SPPL2B: variants seen among roughly 807,000 people sequenced by gnomAD.
SPPL2B encodes signal peptide peptidase-like 2B.
A neutral mutation model predicts 59.7 loss-of-function variants in SPPL2B; 39 were observed. The observed-to-expected ratio is 0.65, with a 90% CI of 0.51 to 0.85. The LOEUF (loss-of-function observed/expected upper bound fraction) is 0.85. Among genes scored for constraint, SPPL2B ranks in the 40% least tolerant of loss-of-function variants. SPPL2B has a pLI of 0.00. For synonymous variants in SPPL2B, 419 were observed against 370.8 expected (o/e 1.13, Z -1.49); for missense variants, 865 against 849.0 (o/e 1.02, Z -0.23).
chr19:2,348,618 CTCCA>C (rs1188974791), intron 13 of SPPL2B, among the ~76,000 whole-genome samples: 3 of 149,816 alleles, frequency 2.0e-5, no homozygotes, highest in Non-Finnish European at 3.0e-5. Flanking sequence ...CATTCTCTCT[CTCCA>C]CACACACTCA....
At chr19:2,347,775 T>A (rs553636434) in intron 13 of SPPL2B, among the ~76,000 whole-genome samples, 1 of 51,802 alleles carries the variant, frequency 1.9e-5, no homozygotes, top group East Asian at 4.2e-4. Context: ...ACACACACAC[T>A]CTCATTCGCC....
intron 10 of SPPL2B, 76 bp downstream of exon 10, chr19:2,344,115 C>A: frequency 3.5e-6 from 3 of 845,312 alleles, no homozygotes; most frequent in Non-Finnish European, 3.5e-6. Context: ...CCCATCACCC[C>A]CCCCATCACC....
intron 2 of SPPL2B, among the ~76,000 whole-genome samples, chr19:2,335,951 G>A (rs933867698): frequency 2.6e-5 from 4 of 152,026 alleles, no homozygotes; most frequent in African/African-American, 9.7e-5. Flanking sequence ...ATGTGTGCAT[G>A]TGCCTGAGTG....
intron 13 of SPPL2B, among the ~76,000 whole-genome samples, chr19:2,349,960 TTCTC>T (rs1478117144): frequency 1.5e-5 from 2 of 137,130 alleles, no homozygotes; most frequent in South Asian, 2.5e-4. Context: ...CTTGATTCTG[TTCTC>T]TCTCTACACA....
chr19:2,329,788 A>G (rs931257639), intron 1 of SPPL2B, among the ~76,000 whole-genome samples: 7 of 152,142 alleles, frequency 4.6e-5, no homozygotes, highest in African/African-American at 1.7e-4. Context: ...TCGCATCCAG[A>G]TGAGTGCGCC....
chr19:2,342,835 C>T (rs574813075), intron 8 of SPPL2B: 6 of 238,382 alleles, frequency 2.5e-5, no homozygotes, highest in South Asian at 5.9e-5. Flanking sequence ...CCCCACCATC[C>T]GGGGACAGCG....
At position 2,354,108 on chromosome 19, in the gene SPPL2B, TG is replaced by T. The variant is rs1970068341; in HGVS notation, c.*902del. On this transcript the variant is annotated 3_prime_UTR_variant, in exon 15 of 15. Coordinates refer to ENST00000613503, the MANE Select transcript of SPPL2B (RefSeq NM_152988.3). Reference sequence around the variant, plus strand: ...CCGGCACCCAACCTCGCTTCCCGTGTGGGCCCCGTGTTGCTTTTCTGCTGAG... The same window carrying T: ...CCGGCACCCAACCTCGCTTCCCGTGTGGCCCCGTGTTGCTTTTCTGCTGAG... 6.6e-6 allele frequency: 1 copy of T among 152,314 alleles called. No homozygotes were observed. The highest frequency in any genetic ancestry group is 1.5e-5 in the Non-Finnish European group (1 of 68,116). The allele number at this position is 152,314 out of a possible 1,614,324, so 9.4% of individuals were successfully genotyped here.
At position 2,337,529 on chromosome 19, in the gene SPPL2B, G is replaced by T; in HGVS notation, c.273G>T (p.Pro91=). The T allele has an allele frequency of 1.2e-6, 2 of 1,613,064 alleles. No individual in the cohort carries two copies. Among genetic ancestry groups the T allele is most frequent in the Non-Finnish European group, 1.7e-6 (2 of 1,179,666 alleles). The change falls in exon 3 of 15, where the codon CCG becomes CCT. Residue 91 remains proline (P), a synonymous_variant. Transcript: ENST00000613503. ...LPARGFSNQI[P]LVARGNCTFY... is the part of the protein sequence containing the mutation. ...CCCGTGGCTTCAGCAACCAGATCCC[G>T]CTGGTGGCGCGGGGGAACTGCACCT...
chr19:2,341,219 A>G (rs1969026982), intron 8 of SPPL2B: 2 of 688,124 alleles, frequency 2.9e-6, no homozygotes, highest in African/African-American at 3.5e-5. Context: ...TGTCATGGGA[A>G]CCCTGACTGG....
chr19:2,337,228 G>A (rs1968702108), intron 2 of SPPL2B: 10 of 475,338 alleles, frequency 2.1e-5, no homozygotes, highest in South Asian at 1.4e-4. Context: ...TGAGGACTCC[G>A]GCCCCGCTCA....
intron 5 of SPPL2B, among the ~76,000 whole-genome samples, 194 bp downstream of exon 5, chr19:2,339,402 C>T (rs1968875377): frequency 6.6e-6 from 1 of 152,196 alleles, no homozygotes; most frequent in South Asian, 2.1e-4. Context: ...GGGCTCCGGG[C>T]ACCTGGTGGG....
chr19:2,354,985 C>T lies in SPPL2B; in HGVS notation c.*1776C>T, dbSNP rs1970101339. Among the ~76,000 whole-genome samples, 1 of 152,196 alleles carries T rather than the reference C, an allele frequency of 6.6e-6. No individual in the cohort carries two copies. Among genetic ancestry groups the T allele is most frequent in the Non-Finnish European group, 1.5e-5 (1 of 68,042 alleles). On this transcript the variant is annotated 3_prime_UTR_variant, in exon 15 of 15. Coordinates refer to ENST00000613503, the MANE Select transcript of SPPL2B (RefSeq NM_152988.3). ...GCGTCACTCCCATGGGCTCTGTGGG[C>T]CATGTGGTCCCTGTCACGCTTCTCA...
chr19:2,343,301 A>G lies in SPPL2B; in HGVS notation c.1038+9A>G. ...GTCTGCCCACCTTCAAGGTGAGTGC[A>G]GGGAGGGCACGGCTGCGGGGCAGCA... On this transcript the variant is annotated intron_variant, in intron 9 of 14. Coordinates refer to ENST00000613503, the MANE Select transcript of SPPL2B (RefSeq NM_152988.3). The G allele has an allele frequency of 6.4e-7, 1 of 1,551,050 alleles. No individual in the cohort carries two copies. Among genetic ancestry groups the G allele is most frequent in the Non-Finnish European group, 8.7e-7 (1 of 1,146,578 alleles).
chr19:2,341,500 T>C, intron 8 of SPPL2B: 1 of 445,490 alleles, frequency 2.2e-6, no homozygotes, highest in South Asian at 1.6e-5. Context: ...TGGCCTGGAC[T>C]TGTGGCTGCC....
In SPPL2B at chr19:2,353,304, C is replaced by T. The variant is rs534305203; in HGVS notation, c.*95C>T. 6 of 1,406,822 alleles carry T rather than the reference C, an allele frequency of 4.3e-6. No homozygotes were observed. In the South Asian group the frequency reaches 4.3e-5, roughly 10 times the overall value. The allele number at this position is 1,406,822 out of a possible 1,614,324, so 87.1% of individuals were successfully genotyped here. A position where few individuals can be genotyped will look rare whatever the true frequency, so the allele number is the denominator to read the frequency against. ...GACAGACAGACAGACGCCTGTCCCC[C>T]GGGACCGAGGCCTGTGCCGTCCCCA... On this transcript the variant is annotated 3_prime_UTR_variant, in exon 15 of 15. Coordinates refer to ENST00000613503, the MANE Select transcript of SPPL2B (RefSeq NM_152988.3).
intron 1 of SPPL2B, among the ~76,000 whole-genome samples, chr19:2,331,649 C>G (rs1016365980): frequency 6.6e-6 from 1 of 152,038 alleles, no homozygotes; most frequent in Non-Finnish European, 1.5e-5. Flanking sequence ...TTTAAATGAC[C>G]CTTTTAGAGA....
chr19:2,351,400 C>A, intron 13 of SPPL2B, 34 bp from the exon 14 acceptor site: 1 of 1,547,760 alleles, frequency 6.5e-7, no homozygotes, highest in Non-Finnish European at 8.8e-7. Flanking sequence ...CCCTGGCCTG[C>A]CTGGCTGAGG....
chr19:2,341,515 G>A (rs368597446), intron 8 of SPPL2B: 34 of 445,690 alleles, frequency 7.6e-5, no homozygotes, highest in Non-Finnish European at 1.1e-4. Context: ...GCTGCCTCCC[G>A]CTGGCCGGGC....
At position 2,332,519 on chromosome 19, in the gene SPPL2B, C is replaced by T. The variant is rs1968339543; in HGVS notation, c.67-2083C>T. On this transcript the variant is annotated intron_variant, in intron 1 of 14. Transcript: ENST00000613503. This position sits in a 1 kb window ranked among gnomAD's most constrained non-coding sequence, Gnocchi z 4.6. ...AGCATCCGTTCAGACATGTGGCTGCCATCCTGTTCCTGATGAGGCAAATGG... is the reference window on the plus strand; with the variant it reads ...AGCATCCGTTCAGACATGTGGCTGCTATCCTGTTCCTGATGAGGCAAATGG... Among the ~76,000 whole-genome samples the T allele has an allele frequency of 6.6e-6, 1 of 152,224 alleles. No individual in the cohort carries two copies. The highest frequency in any genetic ancestry group is 1.9e-4 in the East Asian group (1 of 5,202).
Sources: gnomAD v4.1 joint callset for allele counts (sites outside exome capture counted in the v4.1 genomes callset) on GRCh38, gnomAD v4.1.1 for gene constraint, Gnocchi (gnomAD v3.1) non-coding constraint, MANE v1.5 for transcripts, NCBI Gene and HGNC (gene_info 2026-07-23, HGNC 2026-07-21) for gene names.